Variants in PRLR observed in about 807,000 individuals in gnomAD.
PRLR encodes the protein hPRL receptor.
In PRLR, 13 loss-of-function variants were observed where a neutral mutation model predicts 40.2. The observed-to-expected ratio is 0.32, with a 90% confidence interval of 0.21 to 0.51. The LOEUF is 0.51. PRLR is among the 20% of genes least tolerant of loss of function. The pLI, the probability that PRLR is intolerant of heterozygous loss-of-function variation, is 0.97. For synonymous variants in PRLR, 269 were observed against 278.7 expected, an observed-to-expected ratio of 0.97 and a Z score of 0.35; for missense variants, 656 against 747.3, an observed-to-expected ratio of 0.88 and a Z score of 1.42.
At position 35,065,092 on chromosome 5, in the gene PRLR, G is replaced by C. The variant is rs780451044; in HGVS notation, c.1866C>G (p.His622Gln). The change falls in exon 10 of 10, where the codon CAC (histidine) becomes CAG (glutamine). Residue 622 changes from histidine to glutamine, a missense_variant. Transcript: ENST00000618457. ...LDPACFTHSF[H>Q] is the part of the protein sequence containing the mutation. ...AATCATTCCATTAGTCAAGCTATCAGTGAAAGGAGTGTGTAAAACATGCGG... is the reference window on the plus strand; with the variant it reads ...AATCATTCCATTAGTCAAGCTATCACTGAAAGGAGTGTGTAAAACATGCGG... 2 of 1,609,220 alleles carry C rather than the reference G, an allele frequency of 1.2e-6. No homozygotes were observed. Among genetic ancestry groups the C allele is most frequent in the Non-Finnish European group, 1.7e-6 (2 of 1,176,566 alleles).
intron 1 of PRLR, among the ~76,000 whole-genome samples, chr5:35,225,381 C>T (rs1579821139): frequency 6.6e-6 from 1 of 152,224 alleles, no homozygotes; most frequent in Admixed American, 6.5e-5. Flanking sequence ...TTCTCTCGTG[C>T]TTCACCAAAT....
intron 1 of PRLR, among the ~76,000 whole-genome samples, chr5:35,159,311 T>G (rs1420991453): frequency 1.3e-5 from 1 of 75,450 alleles, no homozygotes; most frequent in Non-Finnish European, 2.6e-5. Context: ...GGTACTCCAA[T>G]CAAGATAGGA....
chr5:35,196,624 G>A (rs971090141), intron 1 of PRLR, among the ~76,000 whole-genome samples: 1 of 152,228 alleles, frequency 6.6e-6, no homozygotes, highest in Non-Finnish European at 1.5e-5. Flanking sequence ...TGCTCCTGCA[G>A]GAATCCCCCT....
At chr5:35,228,706 C>T (rs2111700547) in intron 1 of PRLR, among the ~76,000 whole-genome samples, 1 of 152,206 alleles carries the variant, frequency 6.6e-6, no homozygotes, top group East Asian at 1.9e-4. Flanking sequence ...GAGTCAGAGG[C>T]TGGTAGAGCT....
At chr5:35,072,332 C>T (rs1769798260) in intron 6 of PRLR, among the ~76,000 whole-genome samples, 2 of 152,226 alleles carry the variant, frequency 1.3e-5, no homozygotes, top group South Asian at 4.1e-4. Context: ...CTAAGGGAGG[C>T]AGGTTGGAAA....
Position 35,065,892 on chromosome 5 carries a change from T to C in PRLR, c.1066A>G (p.Ser356Gly). 6.2e-7 allele frequency: 1 copy of C among 1,614,164 alleles called. No individual in the cohort carries two copies. Among genetic ancestry groups the C allele is most frequent in the Non-Finnish European group, 8.5e-7 (1 of 1,180,034 alleles). Residue 356 changes from serine to glycine, a missense_variant, in exon 10 of 10, where the codon AGC becomes GGC. By Grantham distance (56) the Ser-to-Gly change is moderately conservative (BLOSUM62 0). Coordinates refer to ENST00000618457, the MANE Select transcript of PRLR (RefSeq NM_000949.7). ...DTDSGRGSCD[S>G]PSLLSEKCEE... ...CACTTTTCAGACAAAAGGGAAGGGC[T>C]GTCACAGCTCCCCCGGCCTGAGTCA...
chr5:35,155,955 C>A (rs1774482385), intron 1 of PRLR, among the ~76,000 whole-genome samples: 1 of 152,094 alleles, frequency 6.6e-6, no homozygotes, highest in Admixed American at 6.6e-5. Flanking sequence ...ATGGGCAGAA[C>A]AATACAAGTT....
intron 8 of PRLR, among the ~76,000 whole-genome samples, chr5:35,050,111 C>G (rs1579531157): frequency 2.0e-5 from 3 of 152,202 alleles, no homozygotes; most frequent in African/African-American, 7.2e-5. Flanking sequence ...CATGTTGAGG[C>G]TGGTCTCGAA....
intron 1 of PRLR, among the ~76,000 whole-genome samples, chr5:35,190,385 G>T (rs1040265279): frequency 2.6e-5 from 4 of 152,038 alleles, no homozygotes; most frequent in African/African-American, 9.7e-5. Context: ...CGAGTGGATC[G>T]CTTGAGGTCA....
intron 1 of PRLR, among the ~76,000 whole-genome samples, chr5:35,164,928 T>A (rs1202713946): frequency 6.6e-6 from 1 of 152,224 alleles, no homozygotes. Context: ...TAATCAAAGA[T>A]GATTCCTAAG....
chr5:35,121,699 G>A (rs1773297467), intron 1 of PRLR, among the ~76,000 whole-genome samples: 1 of 152,080 alleles, frequency 6.6e-6, no homozygotes, highest in South Asian at 2.1e-4. Flanking sequence ...AAATCTATGA[G>A]GTAGGCACTA....
At position 35,068,092 on chromosome 5, in the gene PRLR, G is replaced by A. The variant is rs900936119; in HGVS notation, c.855+124C>T. 3 of 842,632 alleles carry A rather than the reference G, an allele frequency of 3.6e-6. No individual in the cohort carries two copies. The African/African-American group carries it at 5.0e-5, about 14-fold the overall frequency. The allele number at this position is 842,632 out of a possible 1,614,324, so 52.2% of individuals were successfully genotyped here. On this transcript the variant is annotated intron_variant, in intron 9 of 9. Transcript: ENST00000618457. Reference sequence around the variant, plus strand: ...CTGTTAACACACATGCTGACCAGGAGAGACAGTCCAAAAAGGCTGGCTGAA... The same window carrying A: ...CTGTTAACACACATGCTGACCAGGAAAGACAGTCCAAAAAGGCTGGCTGAA...
chr5:35,178,149 A>G (rs2111968294), intron 1 of PRLR, among the ~76,000 whole-genome samples: 1 of 152,224 alleles, frequency 6.6e-6, no homozygotes, highest in East Asian at 1.9e-4. Context: ...CACTTTGCCC[A>G]TTGTTAAACT....
At chr5:35,116,766 C>T (rs2111700569) in intron 2 of PRLR, among the ~76,000 whole-genome samples, 1 of 152,256 alleles carries the variant, frequency 6.6e-6, no homozygotes, top group African/African-American at 2.4e-5. Flanking sequence ...CACTCTTGTA[C>T]CCAGAGCGTT....
At chr5:35,156,185 C>T (rs1286654138) in intron 1 of PRLR, among the ~76,000 whole-genome samples, 1 of 150,998 alleles carries the variant, frequency 6.6e-6, no homozygotes, top group African/African-American at 2.4e-5. Context: ...TGATTTCCCT[C>T]TCTCTCTCAT....
rs75561640 is a variant in PRLR at position 35,190,783 on chromosome 5, A to G, written c.-106+39485T>C. Among the ~76,000 whole-genome samples the G allele has an allele frequency of 0.012, 1,896 of 152,314 alleles. 76 individuals carry two copies. The East Asian group carries it at 0.15, about 12-fold the overall frequency. On this transcript the variant is annotated intron_variant, in intron 1 of 9. Transcript: ENST00000618457. Reference sequence around the variant, plus strand: ...ATCTTATTCTGCTGCACTGTGCTAGAGCATCTTGACCACTGTGTATCTACT... The same window carrying G: ...ATCTTATTCTGCTGCACTGTGCTAGGGCATCTTGACCACTGTGTATCTACT...
intron 1 of PRLR, among the ~76,000 whole-genome samples, chr5:35,199,252 C>A (rs1391327651): frequency 6.6e-6 from 1 of 152,090 alleles, no homozygotes; most frequent in African/African-American, 2.4e-5. Context: ...TCGATGCAGG[C>A]CCTAGTTCTT....
chr5:35,071,429 C>T lies in PRLR; in HGVS notation c.543+1146G>A, dbSNP rs185574067. ...ATTAAACTAGGGACTGGGTATTAAA[C>T]GATATTAAGGAATTTTAATTTTCCT... On this transcript the variant is annotated intron_variant, in intron 6 of 9. Transcript: ENST00000618457. Among the ~76,000 whole-genome samples, 152 of 152,068 alleles carry T rather than the reference C, an allele frequency of 1.0e-3. 2 individuals carry two copies. Among genetic ancestry groups the T allele is most frequent in the African/African-American group, 3.4e-3 (143 of 41,462 alleles).
chr5:35,143,037 A>G (rs1178178211), intron 1 of PRLR, among the ~76,000 whole-genome samples: 1 of 152,280 alleles, frequency 6.6e-6, no homozygotes, highest in African/African-American at 2.4e-5. Context: ...ATATTTTAAC[A>G]GAGTTTCTAT....
Sources: allele counts gnomAD v4.1 joint callset (sites outside exome capture counted in the v4.1 genomes callset), GRCh38; gene constraint gnomAD v4.1.1; transcripts MANE v1.5; gene names NCBI Gene and HGNC (gene_info 2026-07-23, HGNC 2026-07-21).